The following AARS1 variants were observed in gnomAD, a reference collection of about 807,000 sequenced individuals.
AARS1 encodes alanyl-tRNA synthetase 1, also known as alanine--tRNA ligase, cytoplasmic.
In AARS1, 72 loss-of-function variants were observed where a neutral mutation model predicts 108.9. That is an observed-to-expected ratio of 0.66 (90% CI 0.55 to 0.80). The LOEUF (loss-of-function observed/expected upper bound fraction) is 0.80, where lower values mean the gene tolerates loss of function less well. AARS1 is among the 30% of genes least tolerant of loss of function. The probability of loss-of-function intolerance (pLI) is 0.00; values close to 1 mark genes in which losing one functional copy is unlikely to be tolerated. For missense variants in AARS1, 1,193 were observed against 1,233.2 expected (o/e 0.97, Z 0.49); for synonymous variants, 489 against 465.7 (o/e 1.05, Z -0.64).
At position 70,265,083 on chromosome 16, in the gene AARS1, C is replaced by A. The variant is rs879254125; in HGVS notation, c.1367G>T (p.Gly456Val). The change falls in exon 11 of 21, where the codon GGA (glycine) becomes GTA (valine). Residue 456 changes from glycine (G) to valine (V), a missense_variant. Physicochemically the swap from Gly to Val is moderately radical, Grantham distance 109. Transcript: ENST00000261772. ...KLAQLKSQGK[G>V]AGGEDLIMLD... ...CATAATGAGGTCTTCCCCACCAGCT[C>A]CCTTGCCCTGTGATTTCAGCTGTCA... 1.1e-5 allele frequency: 17 copies of A among 1,614,038 alleles called. No individual in the cohort carries two copies. In the African/African-American group the frequency reaches 1.5e-4, roughly 14 times the overall value.
At chr16:70,255,986 C>T (rs1315038397) in intron 15 of AARS1, 150 bp from the exon 16 acceptor site, 6 of 703,658 alleles carry the variant, frequency 8.5e-6, no homozygotes, top group Non-Finnish European at 1.5e-5. Context: ...GGGACACCAG[C>T]TCGCTGAGCC....
At chr16:70,287,291 G>A (rs888105894) in intron 1 of AARS1, among the ~76,000 whole-genome samples, 3 of 149,434 alleles carry the variant, frequency 2.0e-5, no homozygotes, top group Admixed American at 2.0e-4. Context: ...AGCTGGGCAT[G>A]GTAGCGGGCG....
chr16:70,279,979 G>T (rs951114079), intron 2 of AARS1, among the ~76,000 whole-genome samples: 1 of 152,044 alleles, frequency 6.6e-6, no homozygotes, highest in African/African-American at 2.4e-5. Context: ...CAACTCCTGG[G>T]CTCAAGCAAT....
chr16:70,264,370 G>C (rs946154743), intron 11 of AARS1, among the ~76,000 whole-genome samples: 4 of 151,484 alleles, frequency 2.6e-5, no homozygotes, highest in African/African-American at 9.7e-5. Flanking sequence ...AGGCTGGAGT[G>C]CAATGGCATG....
rs759350421 is a variant in AARS1, at chr16:70,253,889, ACT to A, written c.2520+28_2520+29del. 27 of 1,613,950 alleles carry A rather than the reference ACT, an allele frequency of 1.7e-5. No individual in the cohort carries two copies. The South Asian group carries it at 2.1e-4, about 12-fold the overall frequency. On this transcript the variant is annotated intron_variant, in intron 18 of 20. Coordinates refer to ENST00000261772, the MANE Select transcript of AARS1 (RefSeq NM_001605.3). Reference sequence around the variant, plus strand: ...TTCTGCCAGCCTTTGCCTAGGAAACACTCTGGCCACTGGTGCTGCCAGGACTC... The same window carrying A: ...TTCTGCCAGCCTTTGCCTAGGAAACACTGGCCACTGGTGCTGCCAGGACTC...
rs1232245489 is a variant in AARS1, at chr16:70,271,869, T to C, written c.583A>G (p.Ile195Val). The C allele has an allele frequency of 3.7e-6, 6 of 1,613,978 alleles. No homozygotes were observed. In the South Asian group the frequency reaches 5.5e-5, roughly 15 times the overall value. Residue 195 changes from isoleucine (I) to valine (V), a missense_variant, in exon 5 of 21, where the codon ATT (isoleucine) becomes GTT (valine). By Grantham distance (29) the Ile-to-Val change is conservative (BLOSUM62 3). Coordinates refer to ENST00000261772, the MANE Select transcript of AARS1 (RefSeq NM_001605.3). ...AGATGTGCGGCGTCCCGACCACCAA[T>C]CCGGTCGTAGTGGATCTCACTGCAA... ...GPCSEIHYDR[I>V]GGRDAAHLVN...
At chr16:70,284,918 T>C (rs542427243) in intron 1 of AARS1, among the ~76,000 whole-genome samples, 2 of 152,328 alleles carry the variant, frequency 1.3e-5, no homozygotes, top group East Asian at 3.9e-4. Flanking sequence ...ATACTGTATT[T>C]GGAAGCAATC....
rs1326668375 is a variant in AARS1 at position 70,282,681 on chromosome 16, G to A, written c.83C>T (p.Ser28Leu). The A allele has an allele frequency of 3.7e-6, 6 of 1,614,124 alleles. No homozygotes were observed. Among genetic ancestry groups the A allele is most frequent in the East Asian group, 2.2e-5 (1 of 44,882 alleles). ...FKRNEHTYVH[S>L]SATIPLDDPT... ...GTCATCCAATGGGATGGTGGCAGAC[G>A]AGTGAACATACGTATGCTCGTTCCT... The change falls in exon 2 of 21, where the codon TCG (serine) becomes TTG (leucine). Residue 28 changes from serine to leucine, a missense_variant. Physicochemically the swap from Ser to Leu is moderately radical, Grantham distance 145. Transcript: ENST00000261772.
At chr16:70,278,203 A>AC (rs1960598328) in intron 2 of AARS1, among the ~76,000 whole-genome samples, 1 of 151,922 alleles carries the variant, frequency 6.6e-6, no homozygotes, top group African/African-American at 2.4e-5. Flanking sequence ...ACATAAGGAG[A>AC]CCCCTTCTCT....
intron 4 of AARS1, among the ~76,000 whole-genome samples, chr16:70,272,276 G>A (rs931846020): frequency 1.3e-5 from 2 of 151,544 alleles, no homozygotes; most frequent in Non-Finnish European, 1.5e-5. Context: ...AGGCCGAGGC[G>A]GGCGGATCAC....
chr16:70,272,727 G>C (rs1319095959), intron 4 of AARS1, among the ~76,000 whole-genome samples: 2 of 151,484 alleles, frequency 1.3e-5, no homozygotes, highest in East Asian at 3.9e-4. Flanking sequence ...AGACCAGCCT[G>C]GGCAACATTG....
Position 70,253,994 on chromosome 16 carries a change from C to T in AARS1, c.2445G>A (p.Leu815=). ...AVIPQWQKDE[L]RETLKSLKKV... is the part of the protein sequence containing the mutation. ...TCTTTAGGGATTTGAGAGTCTCCCG[C>T]AATTCATCCTTCTGCCACTGGGGGA... The change falls in exon 18 of 21, where the codon TTG becomes TTA. Residue 815 remains leucine, a synonymous_variant. Transcript: ENST00000261772. The T allele has an allele frequency of 1.2e-6, 2 of 1,614,186 alleles. No individual in the cohort carries two copies. The highest frequency in any genetic ancestry group is 1.6e-4 in the Middle Eastern group (1 of 6,062).
At position 70,270,299 on chromosome 16, in the gene AARS1, A is replaced by G. The variant is rs372680730; in HGVS notation, c.713T>C (p.Ile238Thr). Residue 238 changes from isoleucine to threonine, a missense_variant, in exon 6 of 21, where the codon ATT (isoleucine) becomes ACT (threonine). Coordinates refer to ENST00000261772, the MANE Select transcript of AARS1 (RefSeq NM_001605.3). ...GILKPLPKKS[I>T]DTGMGLERLV... ...TCGTTCCAGGCCCATCCCTGTGTCA[A>G]TGCTTTTCTTGGGAAGAGGTTTCAG... 6.8e-6 allele frequency: 11 copies of G among 1,614,034 alleles called. No homozygotes were observed. The Admixed American group carries it at 8.3e-5, about 12-fold the overall frequency.
At chr16:70,260,198 T>C (rs915875973) in intron 13 of AARS1, among the ~76,000 whole-genome samples, 2 of 152,160 alleles carry the variant, frequency 1.3e-5, no homozygotes, top group Non-Finnish European at 2.9e-5. Flanking sequence ...GCCAAAAATA[T>C]TTAGTATCCA....
intron 9 of AARS1, among the ~76,000 whole-genome samples, chr16:70,266,178 G>A (rs1349902505): frequency 6.6e-6 from 1 of 152,138 alleles, no homozygotes; most frequent in Non-Finnish European, 1.5e-5. Context: ...GCCGGGCATG[G>A]TGGCGGGCGC....
rs566435742 is a variant in AARS1 at position 70,277,428 on chromosome 16, C to A, written c.145-274G>T. Among the ~76,000 whole-genome samples, 13 of 152,256 alleles carry A rather than the reference C, an allele frequency of 8.5e-5. No individual in the cohort carries two copies. In the South Asian group the frequency reaches 2.3e-3, roughly 27 times the overall value. On this transcript the variant is annotated intron_variant, in intron 2 of 20. Transcript: ENST00000261772. ...GGAAAGGCCTGCCAGATCTAACAGCCACAGGTTGATGTGGTAAAACGTGGG... is the reference window on the plus strand; with the variant it reads ...GGAAAGGCCTGCCAGATCTAACAGCAACAGGTTGATGTGGTAAAACGTGGG...
At chr16:70,278,565 C>CAA (rs545540368) in intron 2 of AARS1, among the ~76,000 whole-genome samples, 9 of 83,634 alleles carry the variant, frequency 1.1e-4, no homozygotes, top group Admixed American at 3.9e-4. Context: ...ACTCTGTCTC[C>CAA]AAAAAAAAAA....
At chr16:70,278,533 C>A (rs1960609771) in intron 2 of AARS1, among the ~76,000 whole-genome samples, 1 of 151,376 alleles carries the variant, frequency 6.6e-6, no homozygotes. Context: ...CCACTCTACT[C>A]CAGCCTGGGC....
rs151283395 is a variant in AARS1, at chr16:70,279,597, C to G, written c.145-2443G>C. Among the ~76,000 whole-genome samples the G allele has an allele frequency of 6.2e-3, 919 of 147,330 alleles. 56 individuals are homozygous for G. Among genetic ancestry groups the G allele is most frequent in the Admixed American group, 0.06 (855 of 14,360 alleles). ...ATCGCTTGAATCCAGGAGGCGTAGG[C>G]TGCAGTGAGCCGAGATTTCACCATT... On this transcript the variant is annotated intron_variant, in intron 2 of 20. Coordinates refer to ENST00000261772, the MANE Select transcript of AARS1 (RefSeq NM_001605.3).
Sources: gnomAD v4.1 joint callset for allele counts (sites outside exome capture counted in the v4.1 genomes callset) on GRCh38, gnomAD v4.1.1 for gene constraint, MANE v1.5 for transcripts, NCBI Gene and HGNC (gene_info 2026-07-23, HGNC 2026-07-21) for gene names.